TMCC3: variants seen among roughly 807,000 people sequenced by gnomAD.
TMCC3 encodes the protein transmembrane and coiled-coil domain family 3, also known as transmembrane and coiled-coil domain protein 3.
In TMCC3, 28 loss-of-function variants were observed where a neutral mutation model predicts 40.2. The ratio of observed to expected loss-of-function variants is 0.70; its 90% CI spans 0.52 to 0.95. TMCC3 has a LOEUF of 0.95. Among genes scored for constraint, TMCC3 ranks in the 40% least tolerant of loss-of-function variants. The pLI is 0.00. For synonymous variants in TMCC3, 255 were observed against 248.5 expected, an observed-to-expected ratio of 1.03 and a Z score of -0.25; for missense variants, 554 against 615.2, an observed-to-expected ratio of 0.90 and a Z score of 1.05.
chr12:94,587,423 A>G (rs1031216008), intron 1 of TMCC3, among the ~76,000 whole-genome samples: 1 of 152,214 alleles, frequency 6.6e-6, no homozygotes, highest in Non-Finnish European at 1.5e-5. Context: ...ACAGTACTGC[A>G]TCATAAAAAG....
At chr12:94,629,549 T>G (rs2068921412) in intron 1 of TMCC3, among the ~76,000 whole-genome samples, 2 of 152,176 alleles carry the variant, frequency 1.3e-5, no homozygotes, top group Non-Finnish European at 2.9e-5. Flanking sequence ...TGGAGGGCAC[T>G]CTGGGGTAAA....
intron 1 of TMCC3, among the ~76,000 whole-genome samples, chr12:94,584,319 G>A (rs1350872247): frequency 6.6e-6 from 1 of 152,146 alleles, no homozygotes; most frequent in Non-Finnish European, 1.5e-5. Flanking sequence ...GCCGTGGGAA[G>A]TGCCTGCTCC....
In TMCC3 at chr12:94,581,912, A is replaced by C; in HGVS notation, c.705T>G (p.Ser235Arg). The C allele has an allele frequency of 1.2e-6, 2 of 1,614,164 alleles. 1 individual carries two copies. Among genetic ancestry groups the C allele is most frequent in the South Asian group, 2.2e-5 (2 of 91,074 alleles). ...NSLEEFRPEA[S>R]ARAYGGSATI... ...TAGCGCTGCCCCCGTAGGCCCTGGC[A>C]CTCGCCTCTGGCCTAAACTCCTCTA... Residue 235 changes from serine (S) to arginine (R), a missense_variant, in exon 2 of 4, where the codon AGT becomes AGG. Transcript: ENST00000261226.
rs560083513 is a variant in TMCC3, at chr12:94,623,085, G to T, written c.78+27268C>A. On this transcript the variant is annotated intron_variant, in intron 1 of 3. Transcript: ENST00000261226. ...TTGAGTAGCTGTTTAGCAAACATGTGTCAATCAGCAGCTGCCAAATTGCAA... is the reference window on the plus strand; with the variant it reads ...TTGAGTAGCTGTTTAGCAAACATGTTTCAATCAGCAGCTGCCAAATTGCAA... 3.4e-4 allele frequency among the ~76,000 whole-genome samples: 52 copies of T among 152,230 alleles called. 1 individual carries two copies. The highest frequency in any genetic ancestry group is 1.2e-3 in the African/African-American group (48 of 41,558).
At chr12:94,617,280 G>T (rs2068853014) in intron 1 of TMCC3, among the ~76,000 whole-genome samples, 1 of 152,188 alleles carries the variant, frequency 6.6e-6, no homozygotes, top group Non-Finnish European at 1.5e-5. Context: ...GAGCCCATTG[G>T]TGACAGCGCC....
chr12:94,583,523 A>G (rs1217704308), intron 1 of TMCC3, among the ~76,000 whole-genome samples: 4 of 152,182 alleles, frequency 2.6e-5, no homozygotes, highest in African/African-American at 9.7e-5. Context: ...ATAAATAAAT[A>G]AAATAATGAG....
intron 1 of TMCC3, among the ~76,000 whole-genome samples, chr12:94,616,613 C>A (rs2068849509): frequency 6.6e-6 from 1 of 151,956 alleles, no homozygotes; most frequent in African/African-American, 2.4e-5. Context: ...ACAATGACAG[C>A]CACTGATAAG....
intron 1 of TMCC3, among the ~76,000 whole-genome samples, chr12:94,627,246 C>A (rs1317841172): frequency 1.3e-5 from 2 of 152,116 alleles, no homozygotes; most frequent in Admixed American, 6.5e-5. Flanking sequence ...TAAAACCAGG[C>A]CTGTTGCCCC....
At chr12:94,630,095 G>T (rs963033318) in intron 1 of TMCC3, among the ~76,000 whole-genome samples, 1 of 152,044 alleles carries the variant, frequency 6.6e-6, no homozygotes, top group Non-Finnish European at 1.5e-5. Flanking sequence ...GCAAAACCCC[G>T]TCTGTACAAA....
At chr12:94,581,392 G>A (rs1384264668) in intron 2 of TMCC3, among the ~76,000 whole-genome samples, 3 of 151,970 alleles carry the variant, frequency 2.0e-5, no homozygotes, top group Non-Finnish European at 4.4e-5. Flanking sequence ...ATTGCTAAAC[G>A]CCCTTTAATC....
intron 1 of TMCC3, among the ~76,000 whole-genome samples, chr12:94,621,698 A>T (rs2068876659): frequency 6.6e-6 from 1 of 152,224 alleles, no homozygotes; most frequent in South Asian, 2.1e-4. Flanking sequence ...TTCACCAAGG[A>T]CTTATAGCTG....
chr12:94,604,996 T>C (rs1449203033), intron 1 of TMCC3, among the ~76,000 whole-genome samples: 1 of 151,936 alleles, frequency 6.6e-6, no homozygotes, highest in Non-Finnish European at 1.5e-5. Context: ...TTTAGGAAAC[T>C]AAAAGTTGGA....
intron 1 of TMCC3, among the ~76,000 whole-genome samples, chr12:94,585,250 C>A (rs6538515): frequency 1.3e-5 from 2 of 151,944 alleles, no homozygotes; most frequent in African/African-American, 4.8e-5. Context: ...ACCTTTCAGG[C>A]GTCACCTCAC....
chr12:94,636,643 C>T (rs1162492712), intron 1 of TMCC3, among the ~76,000 whole-genome samples: 1 of 152,192 alleles, frequency 6.6e-6, no homozygotes, highest in African/African-American at 2.4e-5. Context: ...CCTAGGTGGG[C>T]CTAAACTAAT....
chr12:94,622,586 T>C (rs2068881403), intron 1 of TMCC3, among the ~76,000 whole-genome samples: 1 of 152,210 alleles, frequency 6.6e-6, no homozygotes. Context: ...TAATGGAGAC[T>C]GATGTCGACT....
chr12:94,593,375 A>AGAAAGGAAGAATAAATGAAGAAGAAAGG (rs376635076), intron 1 of TMCC3, among the ~76,000 whole-genome samples: 1 of 27,488 alleles, frequency 3.6e-5, no homozygotes, highest in African/African-American at 1.6e-4. Context: ...AAAAAAAAGA[A>AGAAAGGAAGAATAAATGAAGAAGAAAGG]AAGAAAAGAA....
intron 3 of TMCC3, among the ~76,000 whole-genome samples, chr12:94,577,086 G>GA (rs2068569636): frequency 6.6e-6 from 1 of 151,978 alleles, no homozygotes; most frequent in South Asian, 2.1e-4. Context: ...AAGTAAATGG[G>GA]AAAAAAAGAA....
intron 1 of TMCC3, among the ~76,000 whole-genome samples, chr12:94,607,960 A>G (rs2068793406): frequency 6.6e-6 from 1 of 152,228 alleles, no homozygotes; most frequent in African/African-American, 2.4e-5. Flanking sequence ...ATTGCTTTCA[A>G]TGTTATGACT....
intron 1 of TMCC3, among the ~76,000 whole-genome samples, chr12:94,607,543 C>T (rs1206623404): frequency 6.6e-6 from 1 of 152,104 alleles, no homozygotes; most frequent in African/African-American, 2.4e-5. Flanking sequence ...ATGTTCTGCC[C>T]ATGGTTCCAG....
Sources: allele counts gnomAD v4.1 joint callset (sites outside exome capture counted in the v4.1 genomes callset), GRCh38; gene constraint gnomAD v4.1.1; transcripts MANE v1.5; gene names NCBI Gene and HGNC (gene_info 2026-07-23, HGNC 2026-07-21).